The following DLGAP1 variants were observed in gnomAD, a reference collection of about 807,000 sequenced individuals.
The protein encoded by DLGAP1 is DLG associated protein 1.
A neutral mutation model predicts 90.8 loss-of-function variants in DLGAP1; 11 were observed. That is an observed-to-expected ratio of 0.12 (90% CI 0.08 to 0.20). DLGAP1 has a LOEUF of 0.20. Ranked by LOEUF, DLGAP1 falls within the 10% of genes least tolerant of loss-of-function variation. DLGAP1 has a pLI of 1.00. For synonymous variants in DLGAP1, 558 were observed against 540.7 expected (o/e 1.03, Z -0.44); for missense variants, 1,050 against 1,333.8 (o/e 0.79, Z 3.31).
chr18:4,248,021 T>C (rs1242455715), intron 1 of DLGAP1, among the ~76,000 whole-genome samples: 1 of 152,158 alleles, frequency 6.6e-6, no homozygotes, highest in African/African-American at 2.4e-5. Flanking sequence ...GGAGTATTAA[T>C]ATGGCATTTG....
intron 2 of DLGAP1, among the ~76,000 whole-genome samples, chr18:4,075,236 T>C (rs1039741512): frequency 1.3e-5 from 2 of 152,212 alleles, no homozygotes; most frequent in African/African-American, 4.8e-5. Context: ...AATGCTATCT[T>C]GTGCTGGTGA....
At chr18:4,325,286 G>T (rs1210860779) in intron 1 of DLGAP1, among the ~76,000 whole-genome samples, 1 of 152,020 alleles carries the variant, frequency 6.6e-6, no homozygotes, top group African/African-American at 2.4e-5. Flanking sequence ...AAAATACCTA[G>T]TACTACACCT....
intron 3 of DLGAP1, among the ~76,000 whole-genome samples, chr18:3,970,862 C>T (rs535817488): frequency 1.3e-5 from 2 of 152,162 alleles, no homozygotes; most frequent in East Asian, 3.9e-4. Flanking sequence ...AAATATAAGC[C>T]CCTGCCCTAG....
chr18:3,838,023 T>A (rs1213972981), intron 4 of DLGAP1, among the ~76,000 whole-genome samples: 1 of 151,928 alleles, frequency 6.6e-6, no homozygotes, highest in African/African-American at 2.4e-5. Flanking sequence ...AAATATAGAT[T>A]GGGATGGAGC....
chr18:3,741,058 T>TCACCACCACCACCAC (rs1430015496), intron 6 of DLGAP1, among the ~76,000 whole-genome samples: 4 of 25,908 alleles, frequency 1.5e-4, no homozygotes, highest in African/African-American at 2.1e-4. Flanking sequence ...ACCACCACCA[T>TCACCACCACCACCAC]CACCACCACC....
chr18:3,931,623 A>T (rs1333243475), intron 3 of DLGAP1, among the ~76,000 whole-genome samples: 1 of 152,154 alleles, frequency 6.6e-6, no homozygotes, highest in Non-Finnish European at 1.5e-5. Context: ...GGCCTTTGGA[A>T]AGCAGTGAAT....
chr18:3,677,664 C>CT (rs982822921), intron 7 of DLGAP1, among the ~76,000 whole-genome samples: 11 of 151,986 alleles, frequency 7.2e-5, no homozygotes, highest in South Asian at 4.1e-4. Context: ...TTTCTTTTTT[C>CT]TTTTTTTTAT....
intron 2 of DLGAP1, among the ~76,000 whole-genome samples, chr18:4,134,667 C>T (rs1004341774): frequency 6.6e-6 from 1 of 151,932 alleles, no homozygotes; most frequent in African/African-American, 2.4e-5. Context: ...TTGTTGATTC[C>T]CAAAGGAGAT....
intron 1 of DLGAP1, among the ~76,000 whole-genome samples, chr18:4,308,008 C>A (rs2080305601): frequency 6.6e-6 from 1 of 152,180 alleles, no homozygotes; most frequent in Admixed American, 6.5e-5. Flanking sequence ...AGCCACCGTG[C>A]CCGGCCGAGG....
intron 6 of DLGAP1, among the ~76,000 whole-genome samples, chr18:3,734,284 G>C (rs60422926): frequency 1.3e-5 from 2 of 151,424 alleles, no homozygotes; most frequent in African/African-American, 4.9e-5. Context: ...ATAGGGTCTA[G>C]CTCTGTTGCC....
chr18:3,629,009 G>A (rs1429834996), intron 7 of DLGAP1, among the ~76,000 whole-genome samples: 1 of 152,156 alleles, frequency 6.6e-6, no homozygotes, highest in African/African-American at 2.4e-5. Context: ...TTTGCTATGA[G>A]TTTCTTCATA....
chr18:4,375,538 G>A (rs1190198295), intron 1 of DLGAP1, among the ~76,000 whole-genome samples: 1 of 152,046 alleles, frequency 6.6e-6, no homozygotes, highest in East Asian at 1.9e-4. Flanking sequence ...ACCAACCTGA[G>A]ACCAAAGCTA....
At chr18:4,375,408 T>G (rs532790932) in intron 1 of DLGAP1, among the ~76,000 whole-genome samples, 21 of 152,252 alleles carry the variant, frequency 1.4e-4, no homozygotes, top group African/African-American at 4.3e-4. Context: ...AATTATATAT[T>G]AAGCAACCAA....
intron 1 of DLGAP1, among the ~76,000 whole-genome samples, chr18:4,398,693 C>T (rs895380925): frequency 3.3e-5 from 5 of 152,192 alleles, no homozygotes; most frequent in African/African-American, 1.2e-4. Context: ...TGTCCCTTTG[C>T]TTTCATCTGT....
chr18:3,734,704 G>A (rs1377535059), intron 6 of DLGAP1, among the ~76,000 whole-genome samples: 1 of 151,946 alleles, frequency 6.6e-6, no homozygotes, highest in African/African-American at 2.4e-5. Context: ...TTATTTACTG[G>A]CTTTTGTATT....
At chr18:3,741,054 A>G (rs2062924702) in intron 6 of DLGAP1, among the ~76,000 whole-genome samples, 1 of 105,988 alleles carries the variant, frequency 9.4e-6, no homozygotes, top group Non-Finnish European at 1.9e-5. Context: ...CACCACCACC[A>G]CCATCACCAC....
chr18:3,542,371 G>A (rs1568162661), intron 9 of DLGAP1, among the ~76,000 whole-genome samples: 1 of 152,194 alleles, frequency 6.6e-6, no homozygotes, highest in Non-Finnish European at 1.5e-5. Flanking sequence ...AGGCTGGAGA[G>A]TTGATGAGGC....
chr18:3,844,519 A>C (rs969705577), intron 4 of DLGAP1, among the ~76,000 whole-genome samples: 2 of 152,216 alleles, frequency 1.3e-5, no homozygotes, highest in African/African-American at 2.4e-5. Flanking sequence ...GAGATAGAGT[A>C]ACCAAGGTAG....
intron 4 of DLGAP1, among the ~76,000 whole-genome samples, chr18:3,865,002 T>A (rs1351152133): frequency 2.6e-5 from 4 of 152,050 alleles, no homozygotes; most frequent in African/African-American, 7.2e-5. Flanking sequence ...GAGGCTCATG[T>A]ACCAAGCAGA....
Sources: gnomAD v4.1 joint callset for allele counts (sites outside exome capture counted in the v4.1 genomes callset) on GRCh38, gnomAD v4.1.1 for gene constraint, MANE v1.5 for transcripts, NCBI Gene and HGNC (gene_info 2026-07-23, HGNC 2026-07-21) for gene names.